The following SNTB1 variants were observed in gnomAD, a reference collection of about 807,000 sequenced individuals.
SNTB1 encodes the protein syntrophin beta 1, also known as beta-1-syntrophin.
SNTB1 carries 36 observed loss-of-function variants against 48.9 expected under a neutral mutation model. The ratio of observed to expected loss-of-function variants is 0.74; its 90% CI spans 0.56 to 0.97. The LOEUF is 0.97. Ranked by LOEUF, SNTB1 falls within the 50% of genes least tolerant of loss-of-function variation. The pLI is 0.00. For missense variants in SNTB1, 786 were observed against 703.4 expected (o/e 1.12, Z -1.33); for synonymous variants, 299 against 294.6 (o/e 1.01, Z -0.15).
chr8:120,541,589 T>C (rs548536629), intron 6 of SNTB1, among the ~76,000 whole-genome samples: 1 of 152,316 alleles, frequency 6.6e-6, no homozygotes, highest in African/African-American at 2.4e-5. Context: ...GATTCTTTCC[T>C]TTGACTCAAA....
In SNTB1 at chr8:120,632,560, G is replaced by C; in HGVS notation, c.880C>G (p.His294Asp). The C allele has an allele frequency of 6.2e-7, 1 of 1,614,144 alleles. No individual in the cohort carries two copies. Among genetic ancestry groups the C allele is most frequent in the Non-Finnish European group, 8.5e-7 (1 of 1,180,032 alleles). ...ATAQAWFSAI[H>D]SNVNDLLTRV... The stretch of plus-strand genomic sequence containing the variant: ...GTCAGCAGGTCATTAACGTTGGAAT[G>C]GATGGCACTGAACCATGCCTGGGCC... Residue 294 changes from histidine to aspartate, a missense_variant, in exon 3 of 7, where the codon CAT (histidine) becomes GAT (aspartate). Coordinates refer to ENST00000517992, the MANE Select transcript of SNTB1 (RefSeq NM_021021.4).
chr8:120,712,250 T>C (rs573054340), intron 1 of SNTB1, among the ~76,000 whole-genome samples: 1 of 151,634 alleles, frequency 6.6e-6, no homozygotes, highest in African/African-American at 2.4e-5. Context: ...CCATCTCTAC[T>C]AAAAATATAA....
At chr8:120,736,083 G>C (rs1317011170) in intron 1 of SNTB1, among the ~76,000 whole-genome samples, 2 of 152,108 alleles carry the variant, frequency 1.3e-5, no homozygotes, top group African/African-American at 4.8e-5. Context: ...GGGAAGCAAG[G>C]CACCTTCTTC....
At chr8:120,637,372 C>A in intron 2 of SNTB1, 1 of 228,202 alleles carries the variant, frequency 4.4e-6, no homozygotes, top group Non-Finnish European at 9.3e-6. Context: ...GAACATTCTT[C>A]GCTGTAAGGG....
At chr8:120,709,347 A>C (rs980336582) in intron 1 of SNTB1, among the ~76,000 whole-genome samples, 1 of 152,174 alleles carries the variant, frequency 6.6e-6, no homozygotes, top group African/African-American at 2.4e-5. Context: ...TTCTGGGATG[A>C]GAGTGAACTA....
At chr8:120,552,148 T>C (rs1317201722) in intron 4 of SNTB1, among the ~76,000 whole-genome samples, 1 of 152,156 alleles carries the variant, frequency 6.6e-6, no homozygotes, top group Non-Finnish European at 1.5e-5. Flanking sequence ...TTCCTACCAA[T>C]ATTTATTTTT....
chr8:120,696,524 G>T (rs1417382629), intron 1 of SNTB1, among the ~76,000 whole-genome samples: 1 of 152,112 alleles, frequency 6.6e-6, no homozygotes, highest in African/African-American at 2.4e-5. Context: ...ACCATTTAAG[G>T]TCTCATTTTA....
chr8:120,732,965 T>C (rs1818875929), intron 1 of SNTB1, among the ~76,000 whole-genome samples: 1 of 152,248 alleles, frequency 6.6e-6, no homozygotes. Context: ...ACACATCTGT[T>C]GCAAGGAGCA....
At chr8:120,611,505 GAA>G (rs1816620903) in intron 3 of SNTB1, among the ~76,000 whole-genome samples, 1 of 152,106 alleles carries the variant, frequency 6.6e-6, no homozygotes, top group South Asian at 2.1e-4. Context: ...GAGATAATGG[GAA>G]GTCATGCCAC....
In SNTB1 at chr8:120,544,736, T is replaced by C. The variant is rs899707829; in HGVS notation, c.1334-2736A>G. Among the ~76,000 whole-genome samples the C allele has an allele frequency of 7.9e-5, 12 of 152,080 alleles. No homozygotes were observed. The East Asian group carries it at 2.1e-3, about 27-fold the overall frequency. On this transcript the variant is annotated intron_variant, in intron 5 of 6. Transcript: ENST00000517992. ...TTCTCTGTTATTACACATGTAACCT[T>C]ATTAAACTTAGTATTCAGGTGGCTC...
chr8:120,770,868 A>G (rs1819615499), intron 1 of SNTB1, among the ~76,000 whole-genome samples: 1 of 152,202 alleles, frequency 6.6e-6, no homozygotes, highest in African/African-American at 2.4e-5. Flanking sequence ...TCTAATTTCA[A>G]TGGTCTGTGC....
chr8:120,720,716 A>T (rs141509102), intron 1 of SNTB1, among the ~76,000 whole-genome samples: 1 of 152,356 alleles, frequency 6.6e-6, no homozygotes, highest in Non-Finnish European at 1.5e-5. Context: ...TGACTTGCAG[A>T]AGTCATTACT....
chr8:120,665,406 C>T (rs868583270), intron 2 of SNTB1, among the ~76,000 whole-genome samples: 5 of 152,108 alleles, frequency 3.3e-5, no homozygotes, highest in African/African-American at 9.6e-5. Flanking sequence ...GAGCTGAGAT[C>T]GTGCCACTCC....
intron 2 of SNTB1, among the ~76,000 whole-genome samples, chr8:120,687,968 G>C (rs1309560219): frequency 6.6e-6 from 1 of 152,180 alleles, no homozygotes; most frequent in Admixed American, 6.5e-5. Flanking sequence ...ATCACTAAGG[G>C]TACCTTGTAG....
At chr8:120,727,679 C>T (rs1052713353) in intron 1 of SNTB1, among the ~76,000 whole-genome samples, 1 of 152,168 alleles carries the variant, frequency 6.6e-6, no homozygotes, top group African/African-American at 2.4e-5. Flanking sequence ...AGAGAAGATT[C>T]ATGAAAGAGC....
At chr8:120,579,205 CAAACAAACAA>C (rs1035982463) in intron 3 of SNTB1, among the ~76,000 whole-genome samples, 1 of 98,008 alleles carries the variant, frequency 1.0e-5, no homozygotes. Flanking sequence ...AACAAACAAA[CAAACAAACAA>C]AGAGCAAACA....
At chr8:120,562,904 A>AAGAAAT in intron 4 of SNTB1, among the ~76,000 whole-genome samples, 1 of 152,206 alleles carries the variant, frequency 6.6e-6, no homozygotes, top group South Asian at 2.1e-4. Context: ...GAAAAAGAAA[A>AAGAAAT]AGAAACGGGT....
intron 1 of SNTB1, among the ~76,000 whole-genome samples, chr8:120,798,739 A>G (rs900075151): frequency 6.6e-6 from 1 of 152,058 alleles, no homozygotes; most frequent in African/African-American, 2.4e-5. Flanking sequence ...CAAGGATAAT[A>G]TATTCAATCT....
intron 4 of SNTB1, 29 bp from the exon 5 acceptor site, chr8:120,548,987 A>G: frequency 6.6e-7 from 1 of 1,508,204 alleles, no homozygotes; most frequent in Non-Finnish European, 8.9e-7. Flanking sequence ...AGACATCATC[A>G]AAATGGAGAC....
Sources: gnomAD v4.1 joint callset for allele counts (sites outside exome capture counted in the v4.1 genomes callset) on GRCh38, gnomAD v4.1.1 for gene constraint, MANE v1.5 for transcripts, NCBI Gene and HGNC (gene_info 2026-07-23, HGNC 2026-07-21) for gene names.